KIF15: variants seen among roughly 807,000 people sequenced by gnomAD.
KIF15 encodes the protein kinesin-like protein KIF15.
Under a neutral mutation model 190.6 loss-of-function variants are expected in KIF15, and 140 were observed. The ratio of observed to expected loss-of-function variants is 0.73; its 90% CI spans 0.64 to 0.84. KIF15 has a LOEUF of 0.84. KIF15 is among the 40% of genes least tolerant of loss of function. KIF15 has a pLI of 0.00. For synonymous variants in KIF15, 528 were observed against 551.3 expected, an observed-to-expected ratio of 0.96 and a Z score of 0.59; for missense variants, 1,372 against 1,584.4, an observed-to-expected ratio of 0.87 and a Z score of 2.28.
intron 20 of KIF15, among the ~76,000 whole-genome samples, chr3:44,825,613 A>T (rs180724275): frequency 6.6e-6 from 1 of 152,350 alleles, no homozygotes; most frequent in Non-Finnish European, 1.5e-5. Context: ...TAATGTTCCT[A>T]GAGCTGAGAG....
intron 26 of KIF15, among the ~76,000 whole-genome samples, chr3:44,837,215 AC>A (rs1698365024): frequency 6.6e-6 from 1 of 152,190 alleles, no homozygotes; most frequent in Admixed American, 6.5e-5. Flanking sequence ...AAAGTTTAAG[AC>A]CCAAGGAAGA....
chr3:44,865,991 G>A (rs1301515902), intron 6 of KIF15, among the ~76,000 whole-genome samples: 2 of 151,926 alleles, frequency 1.3e-5, no homozygotes, highest in African/African-American at 2.4e-5. Context: ...TTCCTCTAGC[G>A]TTTACCTTTA....
Position 44,829,564 on chromosome 3 carries a change from T to A in KIF15, c.2944-407T>A, listed in dbSNP as rs1456814917. ...ATATTATATATGTATATATTATATA[T>A]GTATATATTATATATGTATATATTA... On this transcript the variant is annotated intron_variant, in intron 24 of 34. Transcript: ENST00000326047. 3.3e-5 allele frequency among the ~76,000 whole-genome samples: 4 copies of A among 120,718 alleles called. 1 individual carries two copies. The highest frequency in any genetic ancestry group is 1.4e-4 in the African/African-American group (4 of 28,372). 79.2% of individuals were successfully genotyped at this position (120,718 alleles called of 152,430 possible).
intron 16 of KIF15, among the ~76,000 whole-genome samples, chr3:44,809,131 G>A (rs1575622514): frequency 4.6e-5 from 7 of 152,236 alleles, no homozygotes; most frequent in Admixed American, 6.5e-5. Flanking sequence ...GCAGGAACTG[G>A]GATTGTCATG....
chr3:44,764,192 T>C (rs1229454312), intron 1 of KIF15, among the ~76,000 whole-genome samples: 1 of 152,196 alleles, frequency 6.6e-6, no homozygotes. Flanking sequence ...AATACACTAA[T>C]GTAACCACCA....
intron 6 of KIF15, chr3:44,861,778 C>G: frequency 1.1e-6 from 1 of 908,118 alleles, no homozygotes; most frequent in Non-Finnish European, 1.6e-6. Context: ...CTGGCCCGCC[C>G]CCTCCGAGGC....
chr3:44,826,700 G>A lies in KIF15; in HGVS notation c.2786+240G>A, dbSNP rs1175745360. Among the ~76,000 whole-genome samples the A allele has an allele frequency of 2.0e-5, 3 of 152,002 alleles. No homozygotes were observed. The East Asian group carries it at 5.8e-4, about 29-fold the overall frequency. On this transcript the variant is annotated intron_variant, in intron 22 of 34. Transcript: ENST00000326047. ...GCAATTGGTGGTAATCAGAACTCAG[G>A]GCCTTCTGTAAATAAATCACAGCAA...
chr3:44,831,043 C>G (rs775575225), intron 26 of KIF15, 25 bp downstream of exon 26: 1 of 1,604,968 alleles, frequency 6.2e-7, no homozygotes, highest in East Asian at 2.2e-5. Context: ...ATCACAGCTT[C>G]TTTGTTTGCC....
At chr3:44,843,631 AAGAAGGATATCC>A (rs1218324900) in intron 30 of KIF15, among the ~76,000 whole-genome samples, 3 of 152,202 alleles carry the variant, frequency 2.0e-5, no homozygotes, top group Non-Finnish European at 4.4e-5. Flanking sequence ...TGGGCAGGAC[AAGAAGGATATCC>A]TTAGCATTTT....
intron 27 of KIF15, among the ~76,000 whole-genome samples, chr3:44,838,979 T>G (rs781418970): frequency 2.2e-4 from 34 of 152,274 alleles, no homozygotes; most frequent in East Asian, 1.9e-3. Context: ...TTTTGGTGGT[T>G]GTTGTTGTCA....
chr3:44,852,602 C>CA (rs200776603), intron 34 of KIF15, 71 bp from the exon 35 acceptor site: 12,824 of 1,137,980 alleles, frequency 0.011, 98 homozygotes, highest in Admixed American at 0.051. Flanking sequence ...CTAATAAATG[C>CA]AAAAAAAAAC....
chr3:44,801,871 G>A lies in KIF15; in HGVS notation c.1406G>A (p.Arg469His), dbSNP rs747925286. The A allele has an allele frequency of 1.1e-5, 17 of 1,612,546 alleles. No homozygotes were observed. The highest frequency in any genetic ancestry group is 1.6e-4 in the Middle Eastern group (1 of 6,068). ...AAATTCCGAGAGGATCAAATAATAC[G>A]CTTGGAAAAGCTCCACAAGGAATCC... Reference protein sequence around the residue: ...IVKFREDQIIRLEKLHKESRG... With the variant: ...IVKFREDQIIHLEKLHKESRG... Residue 469 changes from arginine to histidine, a missense_variant, in exon 13 of 35, where the codon CGC (arginine) becomes CAC (histidine). By Grantham distance (29) the Arg-to-His change is conservative. Coordinates refer to ENST00000326047, the MANE Select transcript of KIF15 (RefSeq NM_020242.3).
At chr3:44,829,628 TTA>T (rs1295223165) in intron 24 of KIF15, among the ~76,000 whole-genome samples, 2 of 123,940 alleles carry the variant, frequency 1.6e-5, no homozygotes, top group African/African-American at 3.5e-5. Flanking sequence ...TGTATATACA[TTA>T]TATATGTATA....
intron 6 of KIF15, among the ~76,000 whole-genome samples, chr3:44,861,217 C>A (rs973977454): frequency 6.6e-6 from 1 of 152,148 alleles, no homozygotes; most frequent in Non-Finnish European, 1.5e-5. Flanking sequence ...TCTCGAACTC[C>A]CGACCTCAGG....
chr3:44,860,578 G>C (rs1208094003), intron 6 of KIF15, among the ~76,000 whole-genome samples: 1 of 152,056 alleles, frequency 6.6e-6, no homozygotes, highest in Non-Finnish European at 1.5e-5. Flanking sequence ...TCACCATCTT[G>C]ACCAATCTGG....
chr3:44,843,321 T>C (rs1698698114), intron 30 of KIF15, 87 bp downstream of exon 30: 5 of 809,762 alleles, frequency 6.2e-6, no homozygotes, highest in Non-Finnish European at 1.0e-5. Flanking sequence ...TTCACAGGTT[T>C]CCCAAGGTGT....
At chr3:44,807,696 G>C (rs1316215194) in intron 16 of KIF15, among the ~76,000 whole-genome samples, 1 of 120,378 alleles carries the variant, frequency 8.3e-6, no homozygotes, top group African/African-American at 3.7e-5. Context: ...CAGCTTGAGG[G>C]TGTGTGTGTG....
chr3:44,802,669 G>A, intron 13 of KIF15, 145 bp from the exon 14 acceptor site: 1 of 694,560 alleles, frequency 1.4e-6, no homozygotes, highest in Non-Finnish European at 2.3e-6. Flanking sequence ...GATCACAAAT[G>A]CCAAGTTGCT....
intron 20 of KIF15, among the ~76,000 whole-genome samples, chr3:44,825,004 C>G (rs972027561): frequency 1.3e-5 from 2 of 152,186 alleles, no homozygotes; most frequent in African/African-American, 4.8e-5. Flanking sequence ...AAGCAGTCCA[C>G]CCACCTCAGC....
Sources: allele counts gnomAD v4.1 joint callset (sites outside exome capture counted in the v4.1 genomes callset), GRCh38; gene constraint gnomAD v4.1.1; transcripts MANE v1.5; gene names NCBI Gene and HGNC (gene_info 2026-07-23, HGNC 2026-07-21).